The following ARAP1 variants were observed in gnomAD, a reference collection of about 807,000 sequenced individuals.
ARAP1 encodes arf-GAP with Rho-GAP domain, ANK repeat and PH domain-containing protein 1.
Under a neutral mutation model 172.2 loss-of-function variants are expected in ARAP1, and 76 were observed. The observed-to-expected ratio is 0.44, with a 90% CI of 0.37 to 0.53. The LOEUF is 0.53. Among genes scored for constraint, ARAP1 ranks in the 20% least tolerant of loss-of-function variants. The pLI is 0.00. For missense variants in ARAP1, 1,686 were observed against 1,977.5 expected (o/e 0.85, Z 2.80); for synonymous variants, 804 against 803.3 (o/e 1.00, Z -0.01).
intron 1 of ARAP1, among the ~76,000 whole-genome samples, chr11:72,746,734 G>T (rs1858379553): frequency 6.6e-6 from 1 of 152,004 alleles, no homozygotes; most frequent in Non-Finnish European, 1.5e-5. Flanking sequence ...CACAACTGGG[G>T]GCTGGTAAGC....
chr11:72,704,086 A>G, intron 14 of ARAP1, 66 bp downstream of exon 14: 2 of 1,598,114 alleles, frequency 1.3e-6, no homozygotes, highest in Middle Eastern at 1.7e-4. Context: ...TTAAGACAGC[A>G]TGAGGAACAG....
intron 29 of ARAP1, 184 bp from the exon 30 acceptor site, chr11:72,692,969 G>A (rs534085063): frequency 7.8e-5 from 59 of 756,056 alleles, no homozygotes; most frequent in African/African-American, 6.5e-4. Context: ...AGGGTGGCCC[G>A]GGAGGCATAT....
intron 3 of ARAP1, among the ~76,000 whole-genome samples, chr11:72,724,494 G>C (rs1857629851): frequency 6.6e-6 from 1 of 152,126 alleles, no homozygotes; most frequent in South Asian, 2.1e-4. Context: ...GGAGCCTGGG[G>C]ATCACAGGAA....
chr11:72,729,923 T>TA (rs11287535), intron 2 of ARAP1, among the ~76,000 whole-genome samples: 97 of 134,646 alleles, frequency 7.2e-4, no homozygotes, highest in South Asian at 1.7e-3. Flanking sequence ...AGACTGTCTC[T>TA]AAAAAAAAAA....
intron 2 of ARAP1, among the ~76,000 whole-genome samples, 163 bp from the exon 3 acceptor site, chr11:72,727,335 T>C (rs1359250371): frequency 1.3e-5 from 2 of 152,226 alleles, no homozygotes; most frequent in Non-Finnish European, 2.9e-5. Flanking sequence ...GCCAGGTCTC[T>C]GAACACACAG....
Position 72,742,000 on chromosome 11 carries a change from G to T in ARAP1, c.-127-9403C>A, listed in dbSNP as rs1591249271. ...GGAATGCAGAAGACAGAAAATAAGG[G>T]GGTCCCTTACTGCTGGCACGTGAAA... On this transcript the variant is annotated intron_variant, in intron 1 of 34. Transcript: ENST00000393609. This position sits in a 1 kb window ranked among gnomAD's most constrained non-coding sequence, Gnocchi z 4.5. Among the ~76,000 whole-genome samples, 1 of 152,148 alleles carries T rather than the reference G, an allele frequency of 6.6e-6. No homozygotes were observed. Among genetic ancestry groups the T allele is most frequent in the East Asian group, 1.9e-4 (1 of 5,184 alleles).
intron 3 of ARAP1, among the ~76,000 whole-genome samples, chr11:72,719,390 T>G (rs1469896540): frequency 6.6e-6 from 1 of 152,242 alleles, no homozygotes; most frequent in Non-Finnish European, 1.5e-5. Flanking sequence ...GATGTGTGGT[T>G]ACTCAATTAA....
At chr11:72,730,334 A>G (rs977130401) in intron 2 of ARAP1, among the ~76,000 whole-genome samples, 1 of 152,230 alleles carries the variant, frequency 6.6e-6, no homozygotes, top group Non-Finnish European at 1.5e-5. Flanking sequence ...CAGATTGTCA[A>G]AGAGCAATAA....
At chr11:72,734,363 C>T (rs1044503151) in intron 1 of ARAP1, among the ~76,000 whole-genome samples, 1 of 152,106 alleles carries the variant, frequency 6.6e-6, no homozygotes, top group Non-Finnish European at 1.5e-5. Context: ...TCAAGCAATC[C>T]TCCCACTTTG....
At chr11:72,692,238 GCTCT>G (rs1032822143) in intron 30 of ARAP1, among the ~76,000 whole-genome samples, 10 of 152,126 alleles carry the variant, frequency 6.6e-5, no homozygotes, top group Non-Finnish European at 1.0e-4. Flanking sequence ...GGAGGGATGA[GCTCT>G]CTCTCCTAGG....
intron 3 of ARAP1, among the ~76,000 whole-genome samples, chr11:72,716,576 G>T (rs1189841410): frequency 6.6e-6 from 1 of 152,264 alleles, no homozygotes; most frequent in Non-Finnish European, 1.5e-5. Flanking sequence ...CGCTCAGTGT[G>T]GTGACTTGCA....
intron 2 of ARAP1, among the ~76,000 whole-genome samples, chr11:72,731,568 C>T (rs757308951): frequency 9.8e-5 from 15 of 152,308 alleles, no homozygotes; most frequent in Non-Finnish European, 2.2e-4. Flanking sequence ...CTGCAGAGCC[C>T]TGAGCCAAAT....
At position 72,695,071 on chromosome 11, in the gene ARAP1, C is replaced by T. The variant is rs1856120742; in HGVS notation, c.3603G>A (p.Glu1201=). ...GGCGATCCAGGATCTCCAGGGTGAG[C>T]TCCTCAGCAGTCATGGATGCTGGGA... The part of the protein sequence containing the change: ...IKVPASMTAE[E]LTLEILDRRN... The change falls in exon 27 of 35, where the codon GAG becomes GAA. Residue 1201 remains glutamate (E), a synonymous_variant. Transcript: ENST00000393609. This position sits in a 1 kb window ranked among gnomAD's most constrained non-coding sequence, Gnocchi z 4.4. The T allele has an allele frequency of 6.2e-7, 1 of 1,614,012 alleles. No homozygotes were observed. Among genetic ancestry groups the T allele is most frequent in the South Asian group, 1.1e-5 (1 of 91,090 alleles).
intron 1 of ARAP1, among the ~76,000 whole-genome samples, chr11:72,750,152 G>A (rs1458037956): frequency 6.6e-6 from 1 of 152,234 alleles, no homozygotes; most frequent in African/African-American, 2.4e-5. Flanking sequence ...ACCCTTGGGA[G>A]CCTGAAGCGG....
intron 7 of ARAP1, 148 bp downstream of exon 7, chr11:72,712,048 C>A: frequency 1.7e-6 from 2 of 1,157,822 alleles, no homozygotes; most frequent in Non-Finnish European, 2.3e-6. Flanking sequence ...CATCAGTGGT[C>A]ACAGTGTGCC....
At position 72,702,977 on chromosome 11, in the gene ARAP1, TG is replaced by T; in HGVS notation, c.2094del (p.Thr699ArgfsTer32). ...INCFSGDPEA[P>X]TPLALAEQAG... ...GCCTGCTCTGCAAGAGCCAGGGGCG[TG>T]GGGGCCTCAGGGTCCCCCGAGAAGC... On this transcript the variant is annotated frameshift_variant, in exon 15 of 35. Transcript: ENST00000393609. LOFTEE classifies it high-confidence loss of function. 2 of 1,568,752 alleles carry T rather than the reference TG, an allele frequency of 1.3e-6. No individual in the cohort carries two copies. The highest frequency in any genetic ancestry group is 1.4e-5 in the African/African-American group (1 of 73,880).
intron 3 of ARAP1, among the ~76,000 whole-genome samples, chr11:72,724,319 C>T (rs535107078): frequency 2.6e-5 from 4 of 152,260 alleles, no homozygotes; most frequent in African/African-American, 9.6e-5. Flanking sequence ...GATGACCGGC[C>T]TCAGCCACCA....
chr11:72,745,378 G>A (rs1335389180), intron 1 of ARAP1, among the ~76,000 whole-genome samples: 6 of 51,370 alleles, frequency 1.2e-4, no homozygotes, highest in Admixed American at 8.3e-4. Flanking sequence ...TTTTTTTTTT[G>A]TATTTTTAGT....
intron 1 of ARAP1, among the ~76,000 whole-genome samples, chr11:72,745,283 G>A (rs1185282121): frequency 6.7e-6 from 1 of 150,084 alleles, no homozygotes; most frequent in African/African-American, 2.5e-5. Flanking sequence ...CCGCCTCACG[G>A]GTTCACGCCA....
Sources: allele counts gnomAD v4.1 joint callset (sites outside exome capture counted in the v4.1 genomes callset), GRCh38; gene constraint gnomAD v4.1.1; non-coding constraint Gnocchi (gnomAD v3.1); transcripts MANE v1.5; gene names NCBI Gene and HGNC (gene_info 2026-07-23, HGNC 2026-07-21).